DNMT3A: variants seen among roughly 807,000 people sequenced by gnomAD.
DNMT3A encodes the protein DNA (cytosine-5)-methyltransferase 3A.
DNMT3A carries 267 observed loss-of-function variants against 117.6 expected under a neutral mutation model. The ratio of observed to expected loss-of-function variants is 2.27; its 90% CI spans 2.05 to 2.51. The LOEUF (loss-of-function observed/expected upper bound fraction) is 2.51, where lower values mean the gene tolerates loss of function less well. DNMT3A is among the 30% of genes most tolerant of loss of function. DNMT3A has a pLI of 0.00. For missense variants in DNMT3A, 1,029 were observed against 1,260.2 expected, an observed-to-expected ratio of 0.82 and a Z score of 2.78; for synonymous variants, 432 against 474.8, an observed-to-expected ratio of 0.91 and a Z score of 1.17.
rs752173685 is a variant in DNMT3A at position 25,247,588 on chromosome 2, T to TACC, written c.1014_1014+2dup. On this transcript the variant is annotated splice_region_variant and intron_variant, in intron 8 of 22. Transcript: ENST00000321117. This position sits in a 1 kb window ranked among gnomAD's most constrained non-coding sequence, Gnocchi z 5.6. Reference sequence around the variant, plus strand: ...CAGGCTACTGCCAAACCCCACAACTTACCACTGAGAATTTGCCGTCTCCGA... The same window carrying TACC: ...CAGGCTACTGCCAAACCCCACAACTTACCACCACTGAGAATTTGCCGTCTCCGA... 6.2e-7 allele frequency: 1 copy of TACC among 1,613,432 alleles called. No homozygotes were observed. Among genetic ancestry groups the TACC allele is most frequent in the Non-Finnish European group, 8.5e-7 (1 of 1,179,786 alleles).
At chr2:25,312,982 G>A (rs560340115) in intron 2 of DNMT3A, among the ~76,000 whole-genome samples, 15 of 148,002 alleles carry the variant, frequency 1.0e-4, no homozygotes, top group Non-Finnish European at 2.1e-4. Flanking sequence ...GGAGCAGGCA[G>A]GGGGAACTGT....
chr2:25,235,848 G>C (rs1328887011), intron 21 of DNMT3A, 23 bp from the exon 22 acceptor site: 3 of 1,592,112 alleles, frequency 1.9e-6, no homozygotes, highest in Middle Eastern at 1.7e-4. Flanking sequence ...GAGAAAAGAG[G>C]AATAAGCACG....
Position 25,248,232 on chromosome 2 carries a change from G to T in DNMT3A, c.660C>A (p.Val220=). ...WKREAEKKAK[V]IAGMNAVEEN... ...CTTCCACAGCATTCATTCCTGCAATGACCTTGGCTTTCTTCTCAGCCTGGG... is the reference window on the plus strand; with the variant it reads ...CTTCCACAGCATTCATTCCTGCAATTACCTTGGCTTTCTTCTCAGCCTGGG... The change falls in exon 7 of 23, where the codon GTC becomes GTA. Residue 220 remains valine (V), a synonymous_variant. Transcript: ENST00000321117. The T allele has an allele frequency of 1.2e-6, 2 of 1,612,038 alleles. No homozygotes were observed. Among genetic ancestry groups the T allele is most frequent in the East Asian group, 2.2e-5 (1 of 44,858 alleles).
Position 25,247,142 on chromosome 2 carries a change from A to T in DNMT3A, c.1031T>A (p.Leu344Gln), listed in dbSNP as rs749817324. The stretch of plus-strand genomic sequence containing the variant: ...ACTGCAAAACGAGCTCAGCGGCATC[A>T]GCTTCTCAACACACACCTGGGGGGA... ...GKFSVVCVEK[L>Q]MPLSSFCSAF... The change falls in exon 9 of 23, where the codon CTG (leucine) becomes CAG (glutamine). Residue 344 changes from leucine (L) to glutamine (Q), a missense_variant. Coordinates refer to ENST00000321117, the MANE Select transcript of DNMT3A (RefSeq NM_022552.5). The surrounding 1 kb of genome is among the most constrained non-coding windows in gnomAD (Gnocchi z 5.6). 3.7e-6 allele frequency: 6 copies of T among 1,613,856 alleles called. No individual in the cohort carries two copies. Among genetic ancestry groups the T allele is most frequent in the East Asian group, 2.2e-5 (1 of 44,882 alleles).
Position 25,240,427 on chromosome 2 carries a change from C to CAA in DNMT3A, c.2195_2196dup (p.Glu733LeufsTer47), listed in dbSNP as rs771906613. The CAA allele has an allele frequency of 6.2e-7, 1 of 1,611,060 alleles. No homozygotes were observed. The highest frequency in any genetic ancestry group is 8.5e-7 in the Non-Finnish European group (1 of 1,178,616). On this transcript the variant is annotated frameshift_variant, in exon 19 of 23. Transcript: ENST00000321117. LOFTEE classifies it high-confidence loss of function. ...GCATCATGCAGGAGGCGGTAGAACT[C>CAA]AAAGAAGAGCCGGCCAGTGCCCTCT...
rs2032999752 is a variant in DNMT3A, at chr2:25,294,917, C to T, written c.177+5222G>A. On this transcript the variant is annotated intron_variant, in intron 3 of 22. Transcript: ENST00000321117. The surrounding 1 kb of genome is among the most constrained non-coding windows in gnomAD (Gnocchi z 4.7). ...CCCTCCCATTCTGGGTTATTCTTAG[C>T]AGGAGGTGACCTCAGAGTGCTCCCT... Among the ~76,000 whole-genome samples the T allele has an allele frequency of 6.6e-6, 1 of 152,150 alleles. No individual in the cohort carries two copies. Among genetic ancestry groups the T allele is most frequent in the South Asian group, 2.1e-4 (1 of 4,826 alleles).
intron 10 of DNMT3A, 32 bp downstream of exon 10, chr2:25,246,587 AG>A (rs2149302083): frequency 6.3e-7 from 1 of 1,591,756 alleles, no homozygotes; most frequent in Non-Finnish European, 8.6e-7. Context: ...CCTGGCGGGC[AG>A]GGGTCCCAGA....
At chr2:25,274,654 T>G (rs2031242395) in intron 6 of DNMT3A, among the ~76,000 whole-genome samples, 1 of 152,234 alleles carries the variant, frequency 6.6e-6, no homozygotes, top group African/African-American at 2.4e-5. Context: ...TCTGCTATCT[T>G]CTATTTCAGC....
intron 4 of DNMT3A, among the ~76,000 whole-genome samples, chr2:25,278,003 A>ACG (rs1334613890): frequency 8.4e-5 from 6 of 71,392 alleles, no homozygotes; most frequent in Admixed American, 4.8e-4. Context: ...TTGAGTGATC[A>ACG]CACACACACA....
intron 6 of DNMT3A, among the ~76,000 whole-genome samples, chr2:25,258,825 T>C (rs1383482042): frequency 6.6e-6 from 1 of 152,098 alleles, no homozygotes; most frequent in East Asian, 1.9e-4. Flanking sequence ...TCCTGGCAGA[T>C]GAATGGCAGG....
chr2:25,276,292 C>A (rs1264146868), intron 4 of DNMT3A, among the ~76,000 whole-genome samples: 1 of 152,240 alleles, frequency 6.6e-6, no homozygotes, highest in South Asian at 2.1e-4. Context: ...TCCAGTGTGA[C>A]CTCTGTAACC....
Position 25,247,916 on chromosome 2 carries a change from G to T in DNMT3A, c.855+121C>A. The T allele has an allele frequency of 1.3e-6, 2 of 1,519,102 alleles. No homozygotes were observed. Among genetic ancestry groups the T allele is most frequent in the South Asian group, 1.2e-5 (1 of 84,706 alleles). The allele number at this position is 1,519,102 out of a possible 1,614,324, so 94.1% of individuals were successfully genotyped here. On this transcript the variant is annotated intron_variant, in intron 7 of 22. Coordinates refer to ENST00000321117, the MANE Select transcript of DNMT3A (RefSeq NM_022552.5). The surrounding 1 kb of genome is among the most constrained non-coding windows in gnomAD (Gnocchi z 5.6). ...CAAAATCGGGGAGACGAAGAGGCCC[G>T]GGGTCAGGTGGAGAGAGCGAGCGGC... is the stretch of plus-strand genomic sequence containing the variant.
intron 4 of DNMT3A, among the ~76,000 whole-genome samples, chr2:25,278,007 A>ACG (rs1245528734): frequency 2.8e-4 from 22 of 78,822 alleles, no homozygotes; most frequent in African/African-American, 8.6e-4. Context: ...GTGATCACAC[A>ACG]CACACACACA....
chr2:25,304,009 G>A lies in DNMT3A; in HGVS notation c.73-3766C>T, dbSNP rs957988062. On this transcript the variant is annotated intron_variant, in intron 2 of 22. Coordinates refer to ENST00000321117, the MANE Select transcript of DNMT3A (RefSeq NM_022552.5). The surrounding 1 kb of genome is among the most constrained non-coding windows in gnomAD (Gnocchi z 4.3). The stretch of plus-strand genomic sequence containing the variant: ...TGCAAGTAGCCCTGAATTAGGAGGC[G>A]TTGCTAATACTCTGAAAGAAAAGAA... Among the ~76,000 whole-genome samples, 30 of 152,230 alleles carry A rather than the reference G, an allele frequency of 2.0e-4. No individual in the cohort carries two copies. The highest frequency in any genetic ancestry group is 3.9e-4 in the African/African-American group (16 of 41,464).
intron 6 of DNMT3A, among the ~76,000 whole-genome samples, chr2:25,265,207 C>A (rs907629839): frequency 4.6e-5 from 7 of 152,216 alleles, no homozygotes; most frequent in African/African-American, 1.7e-4. Context: ...CTGAAAGGGA[C>A]CTGAGCCTCC....
chr2:25,251,695 T>A (rs1302694030), intron 6 of DNMT3A, among the ~76,000 whole-genome samples: 1 of 152,154 alleles, frequency 6.6e-6, no homozygotes, highest in Non-Finnish European at 1.5e-5. Flanking sequence ...ACCACTTCTT[T>A]CTGGCGGCCT....
rs1055954845 is a variant in DNMT3A at position 25,247,939 on chromosome 2, G to A, written c.855+98C>T. The A allele has an allele frequency of 1.4e-5, 22 of 1,557,404 alleles. No individual in the cohort carries two copies. The highest frequency in any genetic ancestry group is 9.1e-5 in the East Asian group (4 of 43,752). On this transcript the variant is annotated intron_variant, in intron 7 of 22. Transcript: ENST00000321117. This position sits in a 1 kb window ranked among gnomAD's most constrained non-coding sequence, Gnocchi z 5.6. Reference sequence around the variant, plus strand: ...CCGGGGTCAGGTGGAGAGAGCGAGCGGCCCGTGGGAGATGGAGAGAGGAGA... The same window carrying A: ...CCGGGGTCAGGTGGAGAGAGCGAGCAGCCCGTGGGAGATGGAGAGAGGAGA...
In DNMT3A at chr2:25,236,777, C is replaced by T. The variant is rs1673411596; in HGVS notation, c.2478+159G>A. Among the ~76,000 whole-genome samples, 1 of 152,252 alleles carries T rather than the reference C, an allele frequency of 6.6e-6. No individual in the cohort carries two copies. Reference sequence around the variant, plus strand: ...TGAAGGCCAGCAGCCCTGGGCCCTCCTCTGGCTGCCCTGCTGCATGACCCT... The same window carrying T: ...TGAAGGCCAGCAGCCCTGGGCCCTCTTCTGGCTGCCCTGCTGCATGACCCT... On this transcript the variant is annotated intron_variant, in intron 21 of 22. Coordinates refer to ENST00000321117, the MANE Select transcript of DNMT3A (RefSeq NM_022552.5). This position sits in a 1 kb window ranked among gnomAD's most constrained non-coding sequence, Gnocchi z 4.5.
chr2:25,246,251 A>C lies in DNMT3A; in HGVS notation c.1338T>G (p.Ala446=). 1 of 1,614,096 alleles carries C rather than the reference A, an allele frequency of 6.2e-7. No homozygotes were observed. The highest frequency in any genetic ancestry group is 8.5e-7 in the Non-Finnish European group (1 of 1,179,966). ...YTDMWVEPEA[A]AYAPPPPAKK... ...TGGCTGGTGGAGGTGGTGCGTAGGC[A>C]GCTGCCTCAGGTTCCACCCACATGT... Residue 446 remains alanine (A), a synonymous_variant, in exon 11 of 23, where the codon GCT becomes GCG. Coordinates refer to ENST00000321117, the MANE Select transcript of DNMT3A (RefSeq NM_022552.5).
Sources: allele counts gnomAD v4.1 joint callset (sites outside exome capture counted in the v4.1 genomes callset), GRCh38; gene constraint gnomAD v4.1.1; non-coding constraint Gnocchi (gnomAD v3.1); transcripts MANE v1.5; gene names NCBI Gene and HGNC (gene_info 2026-07-23, HGNC 2026-07-21).